The following UGT1A4 variants were observed in gnomAD, a reference collection of about 807,000 sequenced individuals.
UGT1A4 encodes the protein UDP-glucuronosyltransferase 1A4.
A neutral mutation model predicts 41.1 loss-of-function variants in UGT1A4; 32 were observed. The observed-to-expected ratio is 0.78, with a 90% confidence interval of 0.59 to 1.05. UGT1A4 has a LOEUF of 1.05. Among genes scored for constraint, UGT1A4 ranks in the 50% least tolerant of loss-of-function variants. The pLI is 0.00. For synonymous variants in UGT1A4, 283 were observed against 265.1 expected (o/e 1.07, Z -0.66); for missense variants, 748 against 677.4 (o/e 1.10, Z -1.16).
intron 1 of UGT1A4, among the ~76,000 whole-genome samples, chr2:233,762,537 C>T (rs1182921904): frequency 4.6e-5 from 7 of 152,180 alleles, no homozygotes; most frequent in African/African-American, 1.7e-4. Flanking sequence ...ACTTGTGTAC[C>T]ACAGTGTATT....
chr2:233,744,032 T>C, intron 1 of UGT1A4: 1 of 835,228 alleles, frequency 1.2e-6, no homozygotes, highest in African/African-American at 1.8e-5. Context: ...ACGCCCCTTA[T>C]GACGCAGCCA....
rs2076687177 is a variant in UGT1A4 at position 233,718,807 on chromosome 2, T to A, written c.-14T>A. The A allele has an allele frequency of 6.2e-7, 1 of 1,613,200 alleles. No individual in the cohort carries two copies. The highest frequency in any genetic ancestry group is 1.3e-5 in the African/African-American group (1 of 74,914). On this transcript the variant is annotated 5_prime_UTR_variant, in exon 1 of 5. Coordinates refer to ENST00000373409, the MANE Select transcript of UGT1A4 (RefSeq NM_007120.3). Reference sequence around the variant, plus strand: ...CGTGGGGTGGACAGTCAGCTGTCGGTGGCTTCTGCTGAGATGGCCAGAGGA... The same window carrying A: ...CGTGGGGTGGACAGTCAGCTGTCGGAGGCTTCTGCTGAGATGGCCAGAGGA...
At position 233,718,957 on chromosome 2, in the gene UGT1A4, A is replaced by T; in HGVS notation, c.137A>T (p.Glu46Val). Reference protein sequence around the residue: ...TDGSPWLSMREALRELHARGH... With the variant: ...TDGSPWLSMRVALRELHARGH... ...GGCAGCCCCTGGCTCAGCATGCGGG[A>T]GGCCTTGCGGGAGCTCCATGCCAGA... Residue 46 changes from glutamate (E) to valine (V), a missense_variant, in exon 1 of 5, where the codon GAG becomes GTG. Transcript: ENST00000373409. 6.2e-7 allele frequency: 1 copy of T among 1,614,184 alleles called. No homozygotes were observed. The highest frequency in any genetic ancestry group is 1.1e-5 in the South Asian group (1 of 91,080).
At position 233,767,859 on chromosome 2, in the gene UGT1A4, G is replaced by A. The variant is rs750453538; in HGVS notation, c.1010G>A (p.Arg337Gln). ...LGKIPQTVLW[R>Q]YTGTRPSNLA... The stretch of plus-strand genomic sequence containing the variant: ...TTTTGCCCCTCCCAGGTCCTGTGGC[G>A]GTACACTGGAACCCGACCATCGAAT... The change falls in exon 3 of 5, where the codon CGG becomes CAG. Residue 337 changes from arginine to glutamine, a missense_variant. Arg to Gln is a conservative substitution (Grantham distance 43). Transcript: ENST00000373409. 15 of 1,613,938 alleles carry A rather than the reference G, an allele frequency of 9.3e-6. No homozygotes were observed. The highest frequency in any genetic ancestry group is 5.3e-5 in the African/African-American group (4 of 74,850).
chr2:233,757,353 G>C (rs373045458), intron 1 of UGT1A4, among the ~76,000 whole-genome samples: 1 of 151,254 alleles, frequency 6.6e-6, no homozygotes, highest in African/African-American at 2.4e-5. Flanking sequence ...GGGTCTGAGA[G>C]ACAGTGGTAG....
chr2:233,758,377 G>A (rs1376342494), intron 1 of UGT1A4, among the ~76,000 whole-genome samples: 2 of 152,208 alleles, frequency 1.3e-5, no homozygotes, highest in Non-Finnish European at 2.9e-5. Flanking sequence ...CATTACAGTG[G>A]TGACTTATGT....
chr2:233,772,695 T>C lies in UGT1A4; in HGVS notation c.*136T>C. ...ATAAATTAATCAGCCCCAGAGTGCT[T>C]TAAAAAATTCTCTTAAATAAAAATA... is the stretch of plus-strand genomic sequence containing the variant. On this transcript the variant is annotated 3_prime_UTR_variant, in exon 5 of 5. Coordinates refer to ENST00000373409, the MANE Select transcript of UGT1A4 (RefSeq NM_007120.3). 2 of 1,484,740 alleles carry C rather than the reference T, an allele frequency of 1.3e-6. No individual in the cohort carries two copies. Among genetic ancestry groups the C allele is most frequent in the South Asian group, 2.7e-5 (2 of 74,364 alleles). The allele number at this position is 1,484,740 out of a possible 1,614,324, so 92.0% of individuals were successfully genotyped here. A position where few individuals can be genotyped will look rare whatever the true frequency, so the allele number is the denominator to read the frequency against.
intron 1 of UGT1A4, chr2:233,747,484 GC>G: frequency 1.2e-6 from 2 of 1,608,658 alleles, no homozygotes; most frequent in Admixed American, 3.3e-5. Context: ...GAATTTGATC[GC>G]CTTGTGCTGG....
In UGT1A4 at chr2:233,769,615, T is replaced by C. The variant is rs1284239952; in HGVS notation, c.1307+1176T>C. 10 of 1,612,642 alleles carry C rather than the reference T, an allele frequency of 6.2e-6. No homozygotes were observed. The highest frequency in any genetic ancestry group is 4.5e-5 in the East Asian group (2 of 44,898). On this transcript the variant is annotated intron_variant, in intron 4 of 4. Coordinates refer to ENST00000373409, the MANE Select transcript of UGT1A4 (RefSeq NM_007120.3). This position sits in a 1 kb window ranked among gnomAD's most constrained non-coding sequence, Gnocchi z 4.4. The stretch of plus-strand genomic sequence containing the variant: ...GACGGAACACGGGGACACACCAGCT[T>C]GAGCAAGGGACAACAGGGGAGGACT...
chr2:233,743,342 T>C, intron 1 of UGT1A4: 7 of 858,096 alleles, frequency 8.2e-6, no homozygotes, highest in Non-Finnish European at 1.0e-5. Context: ...TCAGTGGAAG[T>C]CGACATGGAC....
chr2:233,760,559 C>G (rs776620061), intron 1 of UGT1A4: 5 of 1,614,238 alleles, frequency 3.1e-6, no homozygotes, highest in Non-Finnish European at 2.5e-6. Flanking sequence ...GTGAAAGAGT[C>G]TTTTGTTAGT....
At position 233,772,593 on chromosome 2, in the gene UGT1A4, C is replaced by G; in HGVS notation, c.*34C>G. On this transcript the variant is annotated 3_prime_UTR_variant, in exon 5 of 5. Transcript: ENST00000373409. The stretch of plus-strand genomic sequence containing the variant: ...TGGGAAATAAGGTAAAATTTTGAAC[C>G]ATTCCCTAGTCATTTCCAAACTTGA... The G allele has an allele frequency of 6.3e-7, 1 of 1,598,604 alleles. No individual in the cohort carries two copies. The highest frequency in any genetic ancestry group is 8.5e-7 in the Non-Finnish European group (1 of 1,171,794).
chr2:233,721,938 A>G (rs2076981722), intron 1 of UGT1A4: 13 of 361,422 alleles, frequency 3.6e-5, no homozygotes, highest in South Asian at 2.7e-4. Flanking sequence ...TCCTTCAGAC[A>G]CTTGGTGGCT....
chr2:233,749,635 C>T lies in UGT1A4; in HGVS notation c.868-17399C>T, dbSNP rs755546951. ...CATGATTTGGCTCTGTATCCCCCAC[C>T]AAATCTCATCTTGAATTGTAATCCC... is the stretch of plus-strand genomic sequence containing the variant. On this transcript the variant is annotated intron_variant, in intron 1 of 4. Coordinates refer to ENST00000373409, the MANE Select transcript of UGT1A4 (RefSeq NM_007120.3). 1.1e-4 allele frequency among the ~76,000 whole-genome samples: 17 copies of T among 151,816 alleles called. 3 individuals are homozygous for T. Among genetic ancestry groups the T allele is most frequent in the Admixed American group, 3.3e-4 (5 of 15,276 alleles).
intron 4 of UGT1A4, among the ~76,000 whole-genome samples, chr2:233,768,933 G>C (rs1699758323): frequency 6.6e-6 from 1 of 151,962 alleles, no homozygotes; most frequent in South Asian, 2.1e-4. Flanking sequence ...TTTATAAAAG[G>C]ATTCTTTAGT....
Position 233,720,957 on chromosome 2 carries a change from C to T in UGT1A4, c.867+1270C>T, listed in dbSNP as rs1032077883. 4.6e-5 allele frequency among the ~76,000 whole-genome samples: 7 copies of T among 151,348 alleles called. No homozygotes were observed. In the East Asian group the frequency reaches 5.8e-4, roughly 13 times the overall value. On this transcript the variant is annotated intron_variant, in intron 1 of 4. Transcript: ENST00000373409. ...AACTCCTGACCTCATGTGATCTGCC[C>T]GCCTCGGCCTCCCAAAGTGCTGGGA...
chr2:233,754,139 A>G (rs1695404241), intron 1 of UGT1A4, among the ~76,000 whole-genome samples: 1 of 152,234 alleles, frequency 6.6e-6, no homozygotes, highest in South Asian at 2.1e-4. Flanking sequence ...ATTAAAAGCC[A>G]TCATTAAATT....
intron 1 of UGT1A4, among the ~76,000 whole-genome samples, chr2:233,727,353 T>A (rs2077608384): frequency 6.6e-6 from 1 of 152,150 alleles, no homozygotes; most frequent in Non-Finnish European, 1.5e-5. Flanking sequence ...AGTTCTGCTA[T>A]CCTTAGGGCC....
At chr2:233,732,556 A>G (rs1170205117) in intron 1 of UGT1A4, among the ~76,000 whole-genome samples, 1 of 152,226 alleles carries the variant, frequency 6.6e-6, no homozygotes, top group African/African-American at 2.4e-5. Context: ...CATTTATTAA[A>G]TAAGGAATCC....
Sources: allele counts gnomAD v4.1 joint callset (sites outside exome capture counted in the v4.1 genomes callset), GRCh38; gene constraint gnomAD v4.1.1; non-coding constraint Gnocchi (gnomAD v3.1); transcripts MANE v1.5; gene names NCBI Gene and HGNC (gene_info 2026-07-23, HGNC 2026-07-21).